The following POLR3G variants were observed in gnomAD, a reference collection of about 807,000 sequenced individuals.
POLR3G encodes the protein RNA polymerase III subunit G.
POLR3G carries 28 observed loss-of-function variants against 30.1 expected under a neutral mutation model. The ratio of observed to expected loss-of-function variants is 0.93; its 90% CI spans 0.69 to 1.27. POLR3G has a LOEUF of 1.27. Ranked by LOEUF, POLR3G falls within the 50% of genes most tolerant of loss-of-function variation. POLR3G has a pLI of 0.00. For synonymous variants in POLR3G, 79 were observed against 82.5 expected (o/e 0.96, Z 0.23); for missense variants, 254 against 264.6 (o/e 0.96, Z 0.28).
intron 3 of POLR3G, among the ~76,000 whole-genome samples, chr5:90,494,685 C>G (rs544757792): frequency 6.6e-6 from 1 of 151,932 alleles, no homozygotes; most frequent in Non-Finnish European, 1.5e-5. Flanking sequence ...TTTGTATCTT[C>G]TTTAGAGAAT....
upstream of POLR3G, chr5:90,474,358 C>A: frequency 7.0e-7 from 1 of 1,433,238 alleles, no homozygotes; most frequent in Non-Finnish European, 9.7e-7. Flanking sequence ...GCTGTCCACA[C>A]ACAGGGCACT....
At chr5:90,495,788 T>G in intron 4 of POLR3G, 55 bp downstream of exon 4, 1 of 1,511,466 alleles carries the variant, frequency 6.6e-7, no homozygotes, top group Non-Finnish European at 8.8e-7. Flanking sequence ...CTCTCTCACC[T>G]CATGTTTTTT....
In POLR3G at chr5:90,483,316, G is replaced by A. The variant is rs1269471270; in HGVS notation, c.-43-2209G>A. Among the ~76,000 whole-genome samples the A allele has an allele frequency of 4.6e-5, 7 of 152,278 alleles. No individual in the cohort carries two copies. In the East Asian group the frequency reaches 7.7e-4, roughly 17 times the overall value. Reference sequence around the variant, plus strand: ...TGTCCAGACAGCAGGCAGGGTGAACGCCTTGGGCAGTTACAAAATCATATC... The same window carrying A: ...TGTCCAGACAGCAGGCAGGGTGAACACCTTGGGCAGTTACAAAATCATATC... On this transcript the variant is annotated intron_variant, in intron 1 of 7. Transcript: ENST00000651687.
chr5:90,474,771 C>T (rs1418998004), upstream of POLR3G: 1 of 180,050 alleles, frequency 5.6e-6, no homozygotes, highest in Non-Finnish European at 1.2e-5. Context: ...GCGGGTTGTA[C>T]GGCGACTACG....
At chr5:90,494,495 T>C (rs1281818160) in intron 3 of POLR3G, among the ~76,000 whole-genome samples, 2 of 152,254 alleles carry the variant, frequency 1.3e-5, no homozygotes, top group Non-Finnish European at 2.9e-5. Context: ...GCCACCCGAT[T>C]TTACATTCCC....
intron 1 of POLR3G, among the ~76,000 whole-genome samples, chr5:90,478,586 T>TTTTTTTTTTTTTTTTTA (rs70999487): frequency 2.0e-5 from 3 of 146,924 alleles, no homozygotes; most frequent in Admixed American, 6.8e-5. Context: ...TTTTTTTTTT[T>TTTTTTTTTTTTTTTTTA]GAGAGGGAGC....
At chr5:90,510,016 A>G (rs935026227) in intron 7 of POLR3G, among the ~76,000 whole-genome samples, 1 of 152,128 alleles carries the variant, frequency 6.6e-6, no homozygotes, top group African/African-American at 2.4e-5. Context: ...TCTTGAAAGG[A>G]TATTTGGTAG....
chr5:90,505,144 T>G (rs1508788), intron 6 of POLR3G, among the ~76,000 whole-genome samples: 15,735 of 152,228 alleles, frequency 0.1, 840 homozygotes, highest in Admixed American at 0.12. Flanking sequence ...AGTAAAGGAA[T>G]AGCTAAGTTG....
rs1332189293 is a variant in POLR3G at position 90,512,326 on chromosome 5, ACT to A, written c.*190_*191del. ...GTTACCTTAAAAATTATTCCCTGAC[ACT>A]CTGACATTCCTTCTAAACACCTCTG... On this transcript the variant is annotated 3_prime_UTR_variant, in exon 8 of 8. Transcript: ENST00000651687. The A allele has an allele frequency of 5.7e-6, 3 of 527,154 alleles. No individual in the cohort carries two copies. Among genetic ancestry groups the A allele is most frequent in the African/African-American group, 3.8e-5 (2 of 52,422 alleles). The allele number at this position is 527,154 out of a possible 1,614,324, so 32.7% of individuals were successfully genotyped here. A position where few individuals can be genotyped will look rare whatever the true frequency, so the allele number is the denominator to read the frequency against.
intron 1 of POLR3G, among the ~76,000 whole-genome samples, chr5:90,478,414 A>G (rs1483369222): frequency 6.6e-6 from 1 of 152,042 alleles, no homozygotes; most frequent in Non-Finnish European, 1.5e-5. Context: ...GCCTAGACCT[A>G]TGCTTCCTGA....
At chr5:90,499,160 G>A (rs1246368945) in intron 5 of POLR3G, among the ~76,000 whole-genome samples, 1 of 152,172 alleles carries the variant, frequency 6.6e-6, no homozygotes, top group East Asian at 1.9e-4. Context: ...TCAGAGATAT[G>A]ATCATTGAGA....
rs1322881832 is a variant in POLR3G at position 90,513,522 on chromosome 5, C to T, written c.*1383C>T. On this transcript the variant is annotated 3_prime_UTR_variant, in exon 8 of 8. Transcript: ENST00000651687. ...GTAGTTTGGAGAGTAACTGAAAGCA[C>T]AATTTTAAGAAACATGTTTTCCTCA... 6.6e-6 allele frequency: 1 copy of T among 152,584 alleles called. No individual in the cohort carries two copies. Among genetic ancestry groups the T allele is most frequent in the Non-Finnish European group, 1.5e-5 (1 of 68,014 alleles). 9.5% of individuals were successfully genotyped at this position (152,584 alleles called of 1,614,324 possible). A position where few individuals can be genotyped will look rare whatever the true frequency, so the allele number is the denominator to read the frequency against.
chr5:90,474,564 A>G (rs1241329215), upstream of POLR3G: 5 of 481,818 alleles, frequency 1.0e-5, no homozygotes, highest in South Asian at 7.2e-5. Flanking sequence ...GAGCTACCGC[A>G]GCCTCGGCAG....
chr5:90,502,223 A>G (rs1221537937), intron 6 of POLR3G: 2 of 984,572 alleles, frequency 2.0e-6, no homozygotes, highest in Non-Finnish European at 2.4e-6. Context: ...ACCTTCTGTC[A>G]CCTCTTTCTT....
chr5:90,485,453 C>T, intron 1 of POLR3G, 72 bp from the exon 2 acceptor site: 1 of 710,546 alleles, frequency 1.4e-6, no homozygotes. Flanking sequence ...TTAAGGGGTG[C>T]AGTTTTATAT....
At chr5:90,473,972 C>T (rs767051603), upstream of POLR3G, 2 of 1,599,496 alleles carry the variant, frequency 1.3e-6, no homozygotes, top group Non-Finnish European at 1.7e-6. Context: ...CGCGAGCCAG[C>T]GCCTCGGCCT....
At chr5:90,507,688 A>G (rs1752555399) in intron 7 of POLR3G, among the ~76,000 whole-genome samples, 1 of 152,082 alleles carries the variant, frequency 6.6e-6, no homozygotes, top group Non-Finnish European at 1.5e-5. Flanking sequence ...CTTCCTTCCT[A>G]TTCTTTTTTC....
At chr5:90,507,565 T>A (rs1752542291) in intron 7 of POLR3G, among the ~76,000 whole-genome samples, 1 of 152,214 alleles carries the variant, frequency 6.6e-6, no homozygotes, top group Admixed American at 6.5e-5. Flanking sequence ...TATCAGCTAT[T>A]AGATTCTCAT....
intron 3 of POLR3G, among the ~76,000 whole-genome samples, chr5:90,494,974 A>C (rs1751912469): frequency 6.6e-6 from 1 of 152,140 alleles, no homozygotes; most frequent in Non-Finnish European, 1.5e-5. Context: ...AATTCTAGGA[A>C]TCTCTCATTT....
Sources: gnomAD v4.1 joint callset for allele counts (sites outside exome capture counted in the v4.1 genomes callset) on GRCh38, gnomAD v4.1.1 for gene constraint, MANE v1.5 for transcripts, NCBI Gene and HGNC (gene_info 2026-07-23, HGNC 2026-07-21) for gene names.